The following RFTN1 variants were observed in gnomAD, a reference collection of about 807,000 sequenced individuals.
RFTN1 encodes raftlin, lipid raft linker 1, also known as raftlin.
A neutral mutation model predicts 46.5 loss-of-function variants in RFTN1; 26 were observed. That is an observed-to-expected ratio of 0.56 (90% CI 0.41 to 0.78). The LOEUF is 0.78. Ranked by LOEUF, RFTN1 falls within the 30% of genes least tolerant of loss-of-function variation. The pLI, the probability that RFTN1 is intolerant of heterozygous loss-of-function variation, is 0.00. For missense variants in RFTN1, 693 were observed against 718.7 expected (o/e 0.96, Z 0.41); for synonymous variants, 261 against 284.2 (o/e 0.92, Z 0.82).
At position 16,457,429 on chromosome 3, in the gene RFTN1, G is replaced by A. The variant is rs1403542273; in HGVS notation, c.146-23392C>T. ...GGATCTTCATAGGAATCCTATGAAG[G>A]GTTACATTTCTAGAACATAGTAGTA... On this transcript the variant is annotated intron_variant, in intron 2 of 9. Coordinates refer to ENST00000334133, the MANE Select transcript of RFTN1 (RefSeq NM_015150.2). The surrounding 1 kb of genome is among the most constrained non-coding windows in gnomAD (Gnocchi z 4.2). 6.6e-6 allele frequency among the ~76,000 whole-genome samples: 1 copy of A among 152,048 alleles called. No individual in the cohort carries two copies. The highest frequency in any genetic ancestry group is 1.5e-5 in the Non-Finnish European group (1 of 68,002).
intron 7 of RFTN1, 65 bp downstream of exon 7, chr3:16,357,867 C>G: frequency 9.8e-7 from 1 of 1,015,704 alleles, no homozygotes; most frequent in Non-Finnish European, 1.6e-6. Flanking sequence ...ACGGTCAGAT[C>G]AAGCAGGCGG....
intron 1 of RFTN1, among the ~76,000 whole-genome samples, chr3:16,501,581 C>T (rs1575381030): frequency 6.6e-6 from 1 of 152,192 alleles, no homozygotes; most frequent in East Asian, 1.9e-4. Flanking sequence ...GACAAGCAAC[C>T]AGAGATGGGG....
chr3:16,362,807 C>T (rs1344523319), intron 6 of RFTN1, among the ~76,000 whole-genome samples: 3 of 152,140 alleles, frequency 2.0e-5, no homozygotes, highest in Non-Finnish European at 4.4e-5. Flanking sequence ...CTGCCCATGG[C>T]GAGCATGGCA....
At chr3:16,369,438 C>G (rs2073396125) in intron 6 of RFTN1, among the ~76,000 whole-genome samples, 1 of 152,260 alleles carries the variant, frequency 6.6e-6, no homozygotes, top group Admixed American at 6.5e-5. Flanking sequence ...CCTGGTGACT[C>G]AACTTGCCTT....
intron 6 of RFTN1, among the ~76,000 whole-genome samples, chr3:16,365,491 A>G (rs2073103652): frequency 6.6e-6 from 1 of 152,174 alleles, no homozygotes; most frequent in Non-Finnish European, 1.5e-5. Flanking sequence ...TTACTTATGT[A>G]TTTTGCAAAT....
chr3:16,389,847 C>A (rs866864119), intron 4 of RFTN1, among the ~76,000 whole-genome samples: 2 of 152,210 alleles, frequency 1.3e-5, no homozygotes, highest in South Asian at 4.1e-4. Context: ...CGGCCTCAAC[C>A]AATGAGTAGG....
At chr3:16,389,576 C>T (rs1226920500) in intron 4 of RFTN1, among the ~76,000 whole-genome samples, 2 of 152,078 alleles carry the variant, frequency 1.3e-5, no homozygotes, top group Non-Finnish European at 2.9e-5. Flanking sequence ...GTCCAATAAC[C>T]CTTATATTCA....
chr3:16,510,992 G>A (rs747142119), intron 1 of RFTN1, among the ~76,000 whole-genome samples: 5 of 152,156 alleles, frequency 3.3e-5, no homozygotes, highest in South Asian at 4.1e-4. Flanking sequence ...TCATGGATAC[G>A]ACATGGATGA....
chr3:16,407,185 G>GT lies in RFTN1; in HGVS notation c.441+2189dup, dbSNP rs994677038. Among the ~76,000 whole-genome samples the GT allele has an allele frequency of 9.2e-5, 14 of 152,146 alleles. No individual in the cohort carries two copies. The highest frequency in any genetic ancestry group is 3.4e-4 in the African/African-American group (14 of 41,432). ...GTCACCAACTCATATCAACTCATAT[G>GT]TTTTCTTTCTTTTAAGAGACTGGGT... On this transcript the variant is annotated intron_variant, in intron 4 of 9. Transcript: ENST00000334133. This position sits in a 1 kb window ranked among gnomAD's most constrained non-coding sequence, Gnocchi z 4.0.
chr3:16,446,751 G>A lies in RFTN1; in HGVS notation c.146-12714C>T, dbSNP rs2075737887. 6.6e-6 allele frequency among the ~76,000 whole-genome samples: 1 copy of A among 152,140 alleles called. No homozygotes were observed. The highest frequency in any genetic ancestry group is 1.5e-5 in the Non-Finnish European group (1 of 68,024). The stretch of plus-strand genomic sequence containing the variant: ...GAAAACAAGAGATTTCCCAAAAAGT[G>A]CGGTACCCGAGGGTATGAGCACACT... On this transcript the variant is annotated intron_variant, in intron 2 of 9. Coordinates refer to ENST00000334133, the MANE Select transcript of RFTN1 (RefSeq NM_015150.2). This position sits in a 1 kb window ranked among gnomAD's most constrained non-coding sequence, Gnocchi z 4.5.
chr3:16,391,870 TTTTTTTTTTTTGTTTTTTTTTTTG>T (rs1318588005), intron 4 of RFTN1, among the ~76,000 whole-genome samples: 216 of 9,842 alleles, frequency 0.022, 6 homozygotes, highest in African/African-American at 0.053. Flanking sequence ...TTTTTTTTTG[TTTTTTTTTTTTGTTTTTTTTTTTG>T]TTTTTTTTAC....
chr3:16,323,097 A>G (rs1204738065), intron 9 of RFTN1, among the ~76,000 whole-genome samples: 5 of 152,050 alleles, frequency 3.3e-5, no homozygotes, highest in African/African-American at 1.2e-4. Context: ...TTTTCATCCT[A>G]GTGGGAATAT....
intron 4 of RFTN1, among the ~76,000 whole-genome samples, chr3:16,395,252 T>C (rs1231968452): frequency 6.6e-6 from 1 of 152,220 alleles, no homozygotes; most frequent in Non-Finnish European, 1.5e-5. Context: ...ATGCCTTATA[T>C]TGCTCTGTGC....
intron 1 of RFTN1, among the ~76,000 whole-genome samples, chr3:16,501,967 G>A (rs905622830): frequency 1.1e-4 from 17 of 152,146 alleles, no homozygotes; most frequent in South Asian, 4.1e-4. Flanking sequence ...AAGTGCCTGT[G>A]TATTTGTTTA....
In RFTN1 at chr3:16,374,852, G is replaced by A. The variant is rs1289708052; in HGVS notation, c.826+2866C>T. Among the ~76,000 whole-genome samples the A allele has an allele frequency of 2.0e-5, 3 of 152,092 alleles. No homozygotes were observed. The highest frequency in any genetic ancestry group is 2.9e-5 in the Non-Finnish European group (2 of 68,022). On this transcript the variant is annotated intron_variant, in intron 5 of 9. Transcript: ENST00000334133. This position sits in a 1 kb window ranked among gnomAD's most constrained non-coding sequence, Gnocchi z 5.4. ...GCGAGCAGGAAGAGGAACCCACGGC[G>A]GGCCTCCCCAAGAACCTGCAGGGGC... is the stretch of plus-strand genomic sequence containing the variant.
chr3:16,393,628 A>G (rs574665959), intron 4 of RFTN1, among the ~76,000 whole-genome samples: 30 of 151,500 alleles, frequency 2.0e-4, no homozygotes, highest in Non-Finnish European at 3.2e-4. Context: ...ACTTTGGGAC[A>G]TTTATTGAAA....
At position 16,402,786 on chromosome 3, in the gene RFTN1, A is replaced by G. The variant is rs1172890608; in HGVS notation, c.441+6589T>C. On this transcript the variant is annotated intron_variant, in intron 4 of 9. Transcript: ENST00000334133. The surrounding 1 kb of genome is among the most constrained non-coding windows in gnomAD (Gnocchi z 4.5). ...GCATCATTCGGTTTTCTGAAGGACA[A>G]TGTACTCGGTTTAATCCAGGACAGT... Among the ~76,000 whole-genome samples the G allele has an allele frequency of 1.3e-5, 2 of 152,126 alleles. No homozygotes were observed. The highest frequency in any genetic ancestry group is 2.9e-5 in the Non-Finnish European group (2 of 68,020).
rs2074105888 is a variant in RFTN1, at chr3:16,384,659, A to G, written c.442-6557T>C. Among the ~76,000 whole-genome samples the G allele has an allele frequency of 6.6e-6, 1 of 152,242 alleles. No homozygotes were observed. The highest frequency in any genetic ancestry group is 1.5e-5 in the Non-Finnish European group (1 of 68,042). On this transcript the variant is annotated intron_variant, in intron 4 of 9. Transcript: ENST00000334133. The surrounding 1 kb of genome is among the most constrained non-coding windows in gnomAD (Gnocchi z 4.7). ...ATGAAATGCCTGTAACTAATGAGCTAATTAATGCTGGGAATCAGAAACCTA... is the reference window on the plus strand; with the variant it reads ...ATGAAATGCCTGTAACTAATGAGCTGATTAATGCTGGGAATCAGAAACCTA...
In RFTN1 at chr3:16,449,706, A is replaced by T. The variant is rs1273628299; in HGVS notation, c.146-15669T>A. On this transcript the variant is annotated intron_variant, in intron 2 of 9. Coordinates refer to ENST00000334133, the MANE Select transcript of RFTN1 (RefSeq NM_015150.2). This position sits in a 1 kb window ranked among gnomAD's most constrained non-coding sequence, Gnocchi z 5.1. ...CACAACTGACTTTGATTTCTCAGTC[A>T]TTTCTGAATGTGAGCCAAAAATGGT... is the stretch of plus-strand genomic sequence containing the variant. Among the ~76,000 whole-genome samples the T allele has an allele frequency of 6.6e-6, 1 of 152,256 alleles. No homozygotes were observed. Among genetic ancestry groups the T allele is most frequent in the African/African-American group, 2.4e-5 (1 of 41,470 alleles).
Sources: gnomAD v4.1 joint callset for allele counts (sites outside exome capture counted in the v4.1 genomes callset) on GRCh38, gnomAD v4.1.1 for gene constraint, Gnocchi (gnomAD v3.1) non-coding constraint, MANE v1.5 for transcripts, NCBI Gene and HGNC (gene_info 2026-07-23, HGNC 2026-07-21) for gene names.